Variants in XPNPEP3 observed in about 807,000 individuals in gnomAD.
XPNPEP3 encodes the protein X-prolyl aminopeptidase 3.
In XPNPEP3, 41 loss-of-function variants were observed where a neutral mutation model predicts 60.0. The ratio of observed to expected loss-of-function variants is 0.68; its 90% CI spans 0.53 to 0.89. The LOEUF (loss-of-function observed/expected upper bound fraction) is 0.89. Among genes scored for constraint, XPNPEP3 ranks in the 40% least tolerant of loss-of-function variants. The pLI, the probability that XPNPEP3 is intolerant of heterozygous loss-of-function variation, is 0.00. For synonymous variants in XPNPEP3, 212 were observed against 223.2 expected, an observed-to-expected ratio of 0.95 and a Z score of 0.45; for missense variants, 598 against 638.9, an observed-to-expected ratio of 0.94 and a Z score of 0.69.
chr22:40,922,551 C>T, intron 8 of XPNPEP3, 38 bp downstream of exon 8: 1 of 1,608,698 alleles, frequency 6.2e-7, no homozygotes, highest in East Asian at 2.2e-5. Context: ...TCAAGAACAC[C>T]TAGCATGCTG....
At chr22:40,889,986 A>G (rs894598076) in intron 4 of XPNPEP3, among the ~76,000 whole-genome samples, 2 of 152,172 alleles carry the variant, frequency 1.3e-5, no homozygotes, top group African/African-American at 4.8e-5. Flanking sequence ...TCTGCACTTC[A>G]TGGTATATAT....
intron 6 of XPNPEP3, among the ~76,000 whole-genome samples, chr22:40,910,048 G>A (rs1357447928): frequency 6.6e-6 from 1 of 151,102 alleles, no homozygotes; most frequent in Admixed American, 6.6e-5. Flanking sequence ...CCTTTATTAA[G>A]TCCATTTCTT....
At chr22:40,872,887 A>G (rs1434848312) in intron 2 of XPNPEP3, among the ~76,000 whole-genome samples, 2 of 152,160 alleles carry the variant, frequency 1.3e-5, no homozygotes, top group Non-Finnish European at 2.9e-5. Context: ...ACACTGAAAC[A>G]TATCAGAGAA....
chr22:40,915,025 T>C (rs952428386), intron 7 of XPNPEP3, among the ~76,000 whole-genome samples: 6 of 147,240 alleles, frequency 4.1e-5, no homozygotes, highest in African/African-American at 1.2e-4. Flanking sequence ...CTTTCAAAAA[T>C]AGGCAGAAAT....
chr22:40,908,363 A>T (rs928441433), intron 5 of XPNPEP3, among the ~76,000 whole-genome samples: 2 of 151,736 alleles, frequency 1.3e-5, no homozygotes, highest in Non-Finnish European at 2.9e-5. Context: ...CTATAAAAAT[A>T]AAAAAAAATT....
At chr22:40,861,325 C>T (rs1386150060) in intron 1 of XPNPEP3, 1 of 1,614,110 alleles carries the variant, frequency 6.2e-7, no homozygotes. Flanking sequence ...ACACTATTTA[C>T]AAGAAAAAAT....
chr22:40,878,549 T>G (rs1054233697), intron 2 of XPNPEP3, among the ~76,000 whole-genome samples: 19 of 152,108 alleles, frequency 1.2e-4, no homozygotes, highest in African/African-American at 4.6e-4. Flanking sequence ...ATGGATTTTC[T>G]TACCTTCTGA....
chr22:40,857,319 G>A, intron 1 of XPNPEP3, 74 bp downstream of exon 1: 2 of 1,552,712 alleles, frequency 1.3e-6, no homozygotes, highest in South Asian at 1.1e-5. Flanking sequence ...GGCGATCCCT[G>A]GTTCGGCTGA....
intron 2 of XPNPEP3, among the ~76,000 whole-genome samples, chr22:40,871,719 T>G (rs1321808734): frequency 1.3e-5 from 2 of 152,186 alleles, no homozygotes; most frequent in Non-Finnish European, 2.9e-5. Flanking sequence ...ATTGCTCTAT[T>G]ATTTCCTTAA....
Position 40,931,943 on chromosome 22 carries a change from T to G in XPNPEP3, c.*5508T>G, listed in dbSNP as rs886057545. ...ATGTTAAACCTCCATCTAAAGACATTGCAACTTATTAAAACAGAAAAATGT... is the reference window on the plus strand; with the variant it reads ...ATGTTAAACCTCCATCTAAAGACATGGCAACTTATTAAAACAGAAAAATGT... On this transcript the variant is annotated 3_prime_UTR_variant, in exon 10 of 10. Transcript: ENST00000357137. 6 of 152,200 alleles carry G rather than the reference T, an allele frequency of 3.9e-5. No individual in the cohort carries two copies. Among genetic ancestry groups the G allele is most frequent in the Non-Finnish European group, 8.8e-5 (6 of 68,044 alleles). The allele number at this position is 152,200 out of a possible 1,614,324, so 9.4% of individuals were successfully genotyped here. A position where few individuals can be genotyped will look rare whatever the true frequency, so the allele number is the denominator to read the frequency against.
chr22:40,914,339 G>C lies in XPNPEP3; in HGVS notation c.1055+15G>C, dbSNP rs5995965. 10 of 1,606,518 alleles carry C rather than the reference G, an allele frequency of 6.2e-6. No individual in the cohort carries two copies. In the East Asian group the frequency reaches 1.1e-4, roughly 18 times the overall value. On this transcript the variant is annotated intron_variant, in intron 7 of 9. Coordinates refer to ENST00000357137, the MANE Select transcript of XPNPEP3 (RefSeq NM_022098.4). ...GTCAATGGCAGGTAGGGCTTCTACA[G>C]AGTAACGTATCCCACTGCTTCTTAG...
At chr22:40,901,348 C>A (rs906995774) in intron 4 of XPNPEP3, among the ~76,000 whole-genome samples, 1 of 151,564 alleles carries the variant, frequency 6.6e-6, no homozygotes, top group South Asian at 2.1e-4. Context: ...AATTCTCTTG[C>A]CTCAGCCTCC....
intron 2 of XPNPEP3, chr22:40,869,945 G>A: frequency 4.6e-6 from 2 of 433,566 alleles, no homozygotes; most frequent in Admixed American, 5.3e-5. Context: ...ATTACTAATG[G>A]AAATTTACCT....
intron 1 of XPNPEP3, among the ~76,000 whole-genome samples, chr22:40,864,444 GTTACTA>G (rs1334256928): frequency 1.3e-5 from 2 of 152,006 alleles, no homozygotes; most frequent in South Asian, 2.1e-4. Context: ...CATTATTATT[GTTACTA>G]TTATTATTAT....
At chr22:40,907,817 C>T (rs1219638719) in intron 5 of XPNPEP3, among the ~76,000 whole-genome samples, 168 bp downstream of exon 5, 2 of 152,098 alleles carry the variant, frequency 1.3e-5, no homozygotes, top group Admixed American at 6.6e-5. Flanking sequence ...AAATATACTA[C>T]GTTACAATTA....
chr22:40,922,198 A>T, intron 7 of XPNPEP3, 135 bp from the exon 8 acceptor site: 1 of 981,948 alleles, frequency 1.0e-6, no homozygotes, highest in Non-Finnish European at 1.5e-6. Context: ...CCATATTGAT[A>T]GATTGGTACT....
At chr22:40,877,973 G>A (rs535090321) in intron 2 of XPNPEP3, among the ~76,000 whole-genome samples, 4 of 152,188 alleles carry the variant, frequency 2.6e-5, no homozygotes, top group South Asian at 2.1e-4. Context: ...TTGGGAGGCC[G>A]AGGCCGGTGG....
At chr22:40,858,064 A>G (rs1430044264) in intron 1 of XPNPEP3, among the ~76,000 whole-genome samples, 1 of 152,224 alleles carries the variant, frequency 6.6e-6, no homozygotes, top group Non-Finnish European at 1.5e-5. Context: ...AAAGCTGCAG[A>G]AAGACAACTC....
intron 4 of XPNPEP3, among the ~76,000 whole-genome samples, chr22:40,888,705 GTC>G (rs1569022466): frequency 6.6e-6 from 1 of 150,388 alleles, no homozygotes; most frequent in Non-Finnish European, 1.5e-5. Context: ...TTGTGTTCAA[GTC>G]TCTTTTAATT....
Sources: allele counts gnomAD v4.1 joint callset (sites outside exome capture counted in the v4.1 genomes callset), GRCh38; gene constraint gnomAD v4.1.1; transcripts MANE v1.5; gene names NCBI Gene and HGNC (gene_info 2026-07-23, HGNC 2026-07-21).